The following SORCS3 variants were observed in gnomAD, a reference collection of about 807,000 sequenced individuals.
SORCS3 encodes VPS10 domain-containing receptor SorCS3.
A neutral mutation model predicts 146.3 loss-of-function variants in SORCS3; 57 were observed. The ratio of observed to expected loss-of-function variants is 0.39; its 90% CI spans 0.31 to 0.49. SORCS3 has a LOEUF of 0.49. Ranked by LOEUF, SORCS3 falls within the 20% of genes least tolerant of loss-of-function variation. SORCS3 has a pLI of 0.92. For synonymous variants in SORCS3, 653 were observed against 618.5 expected (o/e 1.06, Z -0.83); for missense variants, 1,341 against 1,575.5 (o/e 0.85, Z 2.52).
chr10:105,082,333 A>T (rs189062852), intron 5 of SORCS3, among the ~76,000 whole-genome samples: 1 of 152,278 alleles, frequency 6.6e-6, no homozygotes, highest in African/African-American at 2.4e-5. Context: ...TAGTTACTTA[A>T]CAAATGTAGA....
intron 5 of SORCS3, among the ~76,000 whole-genome samples, chr10:105,084,702 A>G (rs2055647386): frequency 6.6e-6 from 1 of 150,776 alleles, no homozygotes; most frequent in East Asian, 1.9e-4. Flanking sequence ...GCAGCAATTA[A>G]GCGTGTCCAG....
At chr10:104,756,925 G>T (rs1459678923) in intron 1 of SORCS3, among the ~76,000 whole-genome samples, 1 of 152,192 alleles carries the variant, frequency 6.6e-6, no homozygotes, top group Non-Finnish European at 1.5e-5. Context: ...CGTTCCACCT[G>T]CTTTCAGGAC....
rs568108919 is a variant in SORCS3 at position 104,661,255 on chromosome 10, T to C, written c.627+19301T>C. Among the ~76,000 whole-genome samples, 4 of 152,248 alleles carry C rather than the reference T, an allele frequency of 2.6e-5. No homozygotes were observed. The East Asian group carries it at 7.7e-4, about 29-fold the overall frequency. On this transcript the variant is annotated intron_variant, in intron 1 of 26. Transcript: ENST00000369701. ...CTTCCCAGAACAGGGGCCCATGGAG[T>C]TGGGAATGAGGACGAGTCTTGTAAT...
At chr10:104,875,912 G>T (rs1230605579) in intron 2 of SORCS3, among the ~76,000 whole-genome samples, 1 of 152,084 alleles carries the variant, frequency 6.6e-6, no homozygotes, top group African/African-American at 2.4e-5. Context: ...TAGCTAAATA[G>T]ACTCACATGG....
chr10:104,915,900 T>G lies in SORCS3; in HGVS notation c.763T>G (p.Tyr255Asp). The part of the protein sequence containing the change: ...DKVGLKTVLS[Y>D]LYVNPTNKRK... The stretch of plus-strand genomic sequence containing the variant: ...AGTGGGTTTGAAGACTGTCCTCAGT[T>G]ACCTCTATGTCAATCCAACCAACAA... Residue 255 changes from tyrosine to aspartate, a missense_variant, in exon 3 of 27, where the codon TAC (tyrosine) becomes GAC (aspartate). By Grantham distance (160) the Tyr-to-Asp change is radical. Transcript: ENST00000369701. 6.2e-7 allele frequency: 1 copy of G among 1,614,094 alleles called. No individual in the cohort carries two copies. Among genetic ancestry groups the G allele is most frequent in the Non-Finnish European group, 8.5e-7 (1 of 1,179,982 alleles).
chr10:104,725,147 G>A (rs546486051), intron 1 of SORCS3, among the ~76,000 whole-genome samples: 1 of 152,272 alleles, frequency 6.6e-6, no homozygotes, highest in Admixed American at 6.5e-5. Flanking sequence ...TGTACAGATG[G>A]GGTTTTGTTG....
intron 4 of SORCS3, among the ~76,000 whole-genome samples, chr10:105,013,354 AGC>A (rs2055146242): frequency 6.6e-6 from 1 of 152,156 alleles, no homozygotes; most frequent in African/African-American, 2.4e-5. Context: ...TCAGAACCAC[AGC>A]TTTAAATCAA....
At chr10:104,974,485 G>A (rs1043885174) in intron 3 of SORCS3, among the ~76,000 whole-genome samples, 24 of 152,024 alleles carry the variant, frequency 1.6e-4, no homozygotes, top group Admixed American at 4.6e-4. Flanking sequence ...TTGTTGTTTT[G>A]AAGTCTGTTT....
At chr10:105,192,267 A>G (rs528136085) in intron 14 of SORCS3, among the ~76,000 whole-genome samples, 5 of 152,206 alleles carry the variant, frequency 3.3e-5, no homozygotes, top group African/African-American at 9.6e-5. Context: ...TTATCCTCCA[A>G]TCAAAACCTA....
chr10:105,256,021 C>T (rs1338070891), intron 24 of SORCS3, among the ~76,000 whole-genome samples: 1 of 152,122 alleles, frequency 6.6e-6, no homozygotes, highest in Non-Finnish European at 1.5e-5. Flanking sequence ...GCCATTGAAT[C>T]CCTAGACGGT....
At chr10:104,805,858 T>G (rs2017674450) in intron 1 of SORCS3, among the ~76,000 whole-genome samples, 1 of 152,184 alleles carries the variant, frequency 6.6e-6, no homozygotes, top group Non-Finnish European at 1.5e-5. Flanking sequence ...TTCCTGTTCT[T>G]GCTTTCCCCT....
intron 1 of SORCS3, among the ~76,000 whole-genome samples, chr10:104,681,159 G>A (rs762510139): frequency 1.3e-5 from 2 of 152,230 alleles, no homozygotes; most frequent in East Asian, 1.9e-4. Context: ...GCGCAGGCAT[G>A]GGGAGACGCT....
At chr10:104,708,828 G>C (rs938629615) in intron 1 of SORCS3, among the ~76,000 whole-genome samples, 1 of 152,162 alleles carries the variant, frequency 6.6e-6, no homozygotes, top group African/African-American at 2.4e-5. Context: ...CTTTGCTCCT[G>C]TTCCTCAGGC....
intron 1 of SORCS3, among the ~76,000 whole-genome samples, chr10:104,696,384 T>A (rs1196264618): frequency 0.029 from 398 of 13,738 alleles, 192 homozygotes; most frequent in Middle Eastern, 0.14. Context: ...ATAATATATA[T>A]TATATAATAT....
At chr10:104,950,426 T>C (rs1428667328) in intron 3 of SORCS3, among the ~76,000 whole-genome samples, 7 of 152,158 alleles carry the variant, frequency 4.6e-5, no homozygotes, top group Admixed American at 4.6e-4. Flanking sequence ...TTGTGGTTAA[T>C]AAAAAGTCCT....
At chr10:105,059,903 C>T (rs945126604) in intron 5 of SORCS3, among the ~76,000 whole-genome samples, 1 of 152,224 alleles carries the variant, frequency 6.6e-6, no homozygotes, top group Non-Finnish European at 1.5e-5. Flanking sequence ...CCTAGAAAAG[C>T]TGATCCCAGC....
At chr10:105,119,773 G>A (rs1171240363) in intron 7 of SORCS3, among the ~76,000 whole-genome samples, 1 of 152,156 alleles carries the variant, frequency 6.6e-6, no homozygotes, top group Non-Finnish European at 1.5e-5. Flanking sequence ...TGGAATGGGT[G>A]TATTTACCCA....
chr10:104,936,687 A>G (rs1441568482), intron 3 of SORCS3, among the ~76,000 whole-genome samples: 1 of 152,242 alleles, frequency 6.6e-6, no homozygotes, highest in Non-Finnish European at 1.5e-5. Context: ...TGGCAAACAA[A>G]GACGAATTTA....
At chr10:105,133,534 C>T (rs908683801) in intron 7 of SORCS3, among the ~76,000 whole-genome samples, 3 of 152,184 alleles carry the variant, frequency 2.0e-5, no homozygotes, top group Non-Finnish European at 4.4e-5. Context: ...AAATTAGTTG[C>T]TCTCTCTCAG....
Sources: gnomAD v4.1 joint callset for allele counts (sites outside exome capture counted in the v4.1 genomes callset) on GRCh38, gnomAD v4.1.1 for gene constraint, MANE v1.5 for transcripts, NCBI Gene and HGNC (gene_info 2026-07-23, HGNC 2026-07-21) for gene names.